The following FCRLB variants were observed in gnomAD, a reference collection of about 807,000 sequenced individuals.
The protein encoded by FCRLB is Fc receptor like B.
A neutral mutation model predicts 33.6 loss-of-function variants in FCRLB; 34 were observed. That is an observed-to-expected ratio of 1.01 (90% CI 0.77 to 1.35). FCRLB has a LOEUF of 1.35. Among genes scored for constraint, FCRLB ranks in the 40% most tolerant of loss-of-function variants. The pLI, the probability that FCRLB is intolerant of heterozygous loss-of-function variation, is 0.00. For missense variants in FCRLB, 560 were observed against 580.2 expected (o/e 0.97, Z 0.36); for synonymous variants, 280 against 255.9 (o/e 1.09, Z -0.90).
chr1:161,722,589 C>T, intron 2 of FCRLB, 64 bp from the exon 3 acceptor site: 1 of 1,497,262 alleles, frequency 6.7e-7, no homozygotes, highest in East Asian at 2.3e-5. Context: ...TCAGTGGCAT[C>T]CACTGGCCAC....
At chr1:161,725,357 G>A (rs952273568) in intron 5 of FCRLB, among the ~76,000 whole-genome samples, 13 of 152,300 alleles carry the variant, frequency 8.5e-5, no homozygotes, top group African/African-American at 2.9e-4. Context: ...AAAGCAGTGG[G>A]AGGCCAGGCC....
chr1:161,725,632 G>A (rs1050416712), intron 5 of FCRLB, among the ~76,000 whole-genome samples, 189 bp from the exon 6 acceptor site: 1 of 151,966 alleles, frequency 6.6e-6, no homozygotes, highest in Non-Finnish European at 1.5e-5. Flanking sequence ...ACAAGAGCAA[G>A]ACCATGTCTC....
At chr1:161,724,585 T>C (rs1683479354) in intron 5 of FCRLB, among the ~76,000 whole-genome samples, 1 of 152,156 alleles carries the variant, frequency 6.6e-6, no homozygotes, top group Non-Finnish European at 1.5e-5. Flanking sequence ...ATTCAGAATT[T>C]AAAGCACATC....
At position 161,726,740 on chromosome 1, in the gene FCRLB, G is replaced by C; in HGVS notation, c.612G>C (p.Pro204=). 6.3e-7 allele frequency: 1 copy of C among 1,594,560 alleles called. No homozygotes were observed. Among genetic ancestry groups the C allele is most frequent in the East Asian group, 2.2e-5 (1 of 44,452 alleles). ...CGCCGGTGCTGAGGGTGATGGGTCC[G>C]CGGGAGGCCCGCGGCGCGGCGCTGG... The change falls in exon 7 of 8, where the codon CCG becomes CCC. Residue 204 remains proline (P), a synonymous_variant. Coordinates refer to ENST00000367948, the Ensembl canonical transcript of FCRLB. The surrounding 1 kb of genome is among the most constrained non-coding windows in gnomAD (Gnocchi z 5.2).
chr1:161,727,167 A>AACCCC, intron 7 of FCRLB, 80 bp from the exon 8 acceptor site: 2 of 603,006 alleles, frequency 3.3e-6, no homozygotes, highest in Non-Finnish European at 4.4e-6. Flanking sequence ...ATCCCCGCCC[A>AACCCC]CCGCCCTACG....
At chr1:161,723,985 T>A (rs1027405240) in intron 5 of FCRLB, among the ~76,000 whole-genome samples, 3 of 152,042 alleles carry the variant, frequency 2.0e-5, no homozygotes, top group African/African-American at 7.2e-5. Context: ...ACAGGAAAGG[T>A]GAGTTTCCCT....
chr1:161,726,285 T>A lies in FCRLB; in HGVS notation c.574+198T>A. On this transcript the variant is annotated intron_variant, in intron 6 of 7. Coordinates refer to ENST00000367948, the Ensembl canonical transcript of FCRLB. This position sits in a 1 kb window ranked among gnomAD's most constrained non-coding sequence, Gnocchi z 5.2. ...CCGCCTGCTTGGAGGCTGGTCCCTT[T>A]CCCCGACGCACATCCTGGCTTCTCA... is the stretch of plus-strand genomic sequence containing the variant. 3.1e-6 allele frequency: 3 copies of A among 969,370 alleles called. No homozygotes were observed. The highest frequency in any genetic ancestry group is 4.8e-6 in the Non-Finnish European group (3 of 630,130). 60.0% of individuals were successfully genotyped at this position (969,370 alleles called of 1,614,324 possible).
intron 5 of FCRLB, among the ~76,000 whole-genome samples, chr1:161,724,457 C>G (rs1235020564): frequency 6.8e-6 from 1 of 147,536 alleles, no homozygotes; most frequent in Non-Finnish European, 1.5e-5. Context: ...AATAGCTGGG[C>G]ATGATAGCGG....
chr1:161,726,867 G>A lies in FCRLB; in HGVS notation c.739G>A (p.Asp247Asn). 2 of 1,580,146 alleles carry A rather than the reference G, an allele frequency of 1.3e-6. No individual in the cohort carries two copies. Among genetic ancestry groups the A allele is most frequent in the Non-Finnish European group, 1.7e-6 (2 of 1,162,808 alleles). The change falls in exon 7 of 8, where the codon GAC becomes AAC. Residue 247 changes from aspartate to asparagine, a missense_variant. Coordinates refer to ENST00000367948, the Ensembl canonical transcript of FCRLB. The surrounding 1 kb of genome is among the most constrained non-coding windows in gnomAD (Gnocchi z 5.2). ...GTACAGCCGCGCGGTGCGCCGCTTC[G>A]ACTGGGGCGCCGAGTACACAGTCCC...
chr1:161,723,662 C>G, intron 5 of FCRLB, 41 bp downstream of exon 5: 1 of 1,593,656 alleles, frequency 6.3e-7, no homozygotes, highest in African/African-American at 1.3e-5. Flanking sequence ...GCACGTGTCT[C>G]CTCTGGCAAT....
chr1:161,726,697 C>T lies in FCRLB; in HGVS notation c.575-6C>T, dbSNP rs746325432. ...CCGGCGCCGTTGCTCCCCGCCCTCTCCGTAGAGCTGTTCCGGGCGCCGGTG... is the reference window on the plus strand; with the variant it reads ...CCGGCGCCGTTGCTCCCCGCCCTCTTCGTAGAGCTGTTCCGGGCGCCGGTG... On this transcript the variant is annotated splice_region_variant and splice_polypyrimidine_tract_variant and intron_variant, in intron 6 of 7. Transcript: ENST00000367948. This position sits in a 1 kb window ranked among gnomAD's most constrained non-coding sequence, Gnocchi z 5.2. 4.4e-6 allele frequency: 7 copies of T among 1,587,982 alleles called. No individual in the cohort carries two copies. The highest frequency in any genetic ancestry group is 5.1e-6 in the Non-Finnish European group (6 of 1,173,286).
At chr1:161,727,291 G>A (rs1683621171) in exon 8 of FCRLB, 2 of 1,613,098 alleles carry the variant, frequency 1.2e-6, no homozygotes, top group Non-Finnish European at 1.7e-6. Context: ...AGCTCCATGG[G>A]CCGCAGCCTT....
At chr1:161,723,769 G>T (rs1683453530) in intron 5 of FCRLB, 148 bp downstream of exon 5, 9 of 1,202,040 alleles carry the variant, frequency 7.5e-6, no homozygotes, top group Admixed American at 2.7e-5. Context: ...AGCAGGTAGG[G>T]ACCTGCACGG....
In FCRLB at chr1:161,726,882, T is replaced by C; in HGVS notation, c.754T>C (p.Tyr252His). The change falls in exon 7 of 8, where the codon TAC (tyrosine) becomes CAC (histidine). Residue 252 changes from tyrosine to histidine, a missense_variant. Coordinates refer to ENST00000367948, the Ensembl canonical transcript of FCRLB. The surrounding 1 kb of genome is among the most constrained non-coding windows in gnomAD (Gnocchi z 5.2). Reference sequence around the variant, plus strand: ...GCGCCGCTTCGACTGGGGCGCCGAGTACACAGTCCCGGAGCCCGAGGTCGA... The same window carrying C: ...GCGCCGCTTCGACTGGGGCGCCGAGCACACAGTCCCGGAGCCCGAGGTCGA... 1 of 1,586,668 alleles carries C rather than the reference T, an allele frequency of 6.3e-7. No homozygotes were observed. Among genetic ancestry groups the C allele is most frequent in the Non-Finnish European group, 8.6e-7 (1 of 1,166,250 alleles).
At chr1:161,724,983 C>T (rs1485082756) in intron 5 of FCRLB, among the ~76,000 whole-genome samples, 1 of 152,126 alleles carries the variant, frequency 6.6e-6, no homozygotes, top group Admixed American at 6.5e-5. Flanking sequence ...GAGGAAATAG[C>T]AGGTACAAAA....
rs537998475 is a variant in FCRLB, at chr1:161,724,491, G to T, written c.307+870G>T. Among the ~76,000 whole-genome samples, 328 of 151,756 alleles carry T rather than the reference G, an allele frequency of 2.2e-3. 1 individual carries two copies. Among genetic ancestry groups the T allele is most frequent in the Admixed American group, 3.6e-3 (55 of 15,258 alleles). Reference sequence around the variant, plus strand: ...GGGTGCCTGTAGTCCCAGCTACTCAGGAGGCTGAGGCATGAGAATTGTTTG... The same window carrying T: ...GGGTGCCTGTAGTCCCAGCTACTCATGAGGCTGAGGCATGAGAATTGTTTG... On this transcript the variant is annotated intron_variant, in intron 5 of 7. Coordinates refer to ENST00000367948, the Ensembl canonical transcript of FCRLB.
intron 3 of FCRLB, 61 bp downstream of exon 3, chr1:161,722,764 T>C: frequency 6.3e-7 from 1 of 1,599,230 alleles, no homozygotes. Context: ...TGGACCAAGG[T>C]ATGGGGAGAG....
At chr1:161,727,726 A>G in exon 8 of FCRLB, 1 of 1,485,110 alleles carries the variant, frequency 6.7e-7, no homozygotes, top group African/African-American at 1.4e-5. Flanking sequence ...CCCTCACGCG[A>G]ATTTCTTTCA....
Position 161,726,147 on chromosome 1 carries a change from G to A in FCRLB, c.574+60G>A, listed in dbSNP as rs767651269. On this transcript the variant is annotated intron_variant, in intron 6 of 7. Transcript: ENST00000367948. The surrounding 1 kb of genome is among the most constrained non-coding windows in gnomAD (Gnocchi z 5.2). Reference sequence around the variant, plus strand: ...ATGAGCATTGAGAAATTCTGGGACAGGAGCTCGGCGAGAAAAGAAGGGGCG... The same window carrying A: ...ATGAGCATTGAGAAATTCTGGGACAAGAGCTCGGCGAGAAAAGAAGGGGCG... 10 of 1,610,012 alleles carry A rather than the reference G, an allele frequency of 6.2e-6. No individual in the cohort carries two copies. The highest frequency in any genetic ancestry group is 1.7e-5 in the Admixed American group (1 of 59,804).
Sources: allele counts gnomAD v4.1 joint callset (sites outside exome capture counted in the v4.1 genomes callset), GRCh38; gene constraint gnomAD v4.1.1; non-coding constraint Gnocchi (gnomAD v3.1); transcripts MANE v1.5; gene names NCBI Gene and HGNC (gene_info 2026-07-23, HGNC 2026-07-21).